The following MECOM variants were observed in gnomAD, a reference collection of about 807,000 sequenced individuals.
MECOM encodes the protein MDS1 and EVI1 complex locus.
MECOM carries 13 observed loss-of-function variants against 116.3 expected under a neutral mutation model. The ratio of observed to expected loss-of-function variants is 0.11; its 90% confidence interval spans 0.07 to 0.18. The LOEUF (loss-of-function observed/expected upper bound fraction) is 0.18, where lower values mean the gene tolerates loss of function less well. Among genes scored for constraint, MECOM ranks in the 10% least tolerant of loss-of-function variants. MECOM has a pLI of 1.00. For missense variants in MECOM, 1,299 were observed against 1,509.0 expected, an observed-to-expected ratio of 0.86 and a Z score of 2.31; for synonymous variants, 528 against 535.2, an observed-to-expected ratio of 0.99 and a Z score of 0.19.
intron 1 of MECOM, among the ~76,000 whole-genome samples, chr3:169,602,422 C>T (rs1188183016): frequency 2.0e-5 from 3 of 152,314 alleles, no homozygotes; most frequent in Non-Finnish European, 1.5e-5. Context: ...ACTGGCTAGT[C>T]AGGGACCTGA....
intron 1 of MECOM, among the ~76,000 whole-genome samples, chr3:169,636,043 G>A (rs965649293): frequency 5.9e-5 from 9 of 152,056 alleles, no homozygotes; most frequent in African/African-American, 2.2e-4. Flanking sequence ...TTTTATATTG[G>A]CCATATACCC....
At position 169,381,493 on chromosome 3, in the gene MECOM, T is replaced by C. The variant is rs778877434; in HGVS notation, c.69A>G (p.Glu23=). Residue 23 remains glutamate, a synonymous_variant, in exon 2 of 17, where the codon GAA becomes GAG. Coordinates refer to ENST00000651503, the MANE Select transcript of MECOM (RefSeq NM_004991.4). The part of the protein sequence containing the change: ...NNECVYGNYP[E]IPLEEMPDAD... ...CATCTGGCATTTCTTCCAAAGGTAT[T>C]TCAGGGTAGTTGCCATATACACACT... is the stretch of plus-strand genomic sequence containing the variant. The C allele has an allele frequency of 2.5e-6, 4 of 1,611,892 alleles. No individual in the cohort carries two copies. The highest frequency in any genetic ancestry group is 2.7e-5 in the African/African-American group (2 of 74,884).
intron 2 of MECOM, among the ~76,000 whole-genome samples, chr3:169,366,510 T>A (rs1729185973): frequency 6.6e-6 from 1 of 152,002 alleles, no homozygotes. Flanking sequence ...CTGTGATTAG[T>A]TTATCCTAAT....
chr3:169,597,837 G>C (rs1377713696), intron 1 of MECOM, among the ~76,000 whole-genome samples: 1 of 152,188 alleles, frequency 6.6e-6, no homozygotes, highest in Non-Finnish European at 1.5e-5. Context: ...ATAGGAGCCT[G>C]TTATTATTAA....
intron 1 of MECOM, among the ~76,000 whole-genome samples, chr3:169,402,330 C>T (rs1577990854): frequency 2.0e-5 from 3 of 152,254 alleles, no homozygotes; most frequent in East Asian, 3.9e-4. Context: ...GAATCAGGAG[C>T]CCTGAGCCCC....
chr3:169,509,703 G>A (rs1354431128), intron 1 of MECOM, among the ~76,000 whole-genome samples: 1 of 152,208 alleles, frequency 6.6e-6, no homozygotes, highest in Non-Finnish European at 1.5e-5. Context: ...TCCTTGTTAA[G>A]ACTGAATAAT....
At chr3:169,285,429 A>C (rs1296003436) in intron 2 of MECOM, among the ~76,000 whole-genome samples, 1 of 152,194 alleles carries the variant, frequency 6.6e-6, no homozygotes, top group East Asian at 1.9e-4. Context: ...TCCCAGGATA[A>C]ACAACATTTG....
rs1022978720 is a variant in MECOM at position 169,428,632 on chromosome 3, A to G, written c.38-47108T>C. On this transcript the variant is annotated intron_variant, in intron 1 of 16. Coordinates refer to ENST00000651503, the MANE Select transcript of MECOM (RefSeq NM_004991.4). The stretch of plus-strand genomic sequence containing the variant: ...AGCAAATGAATATATAAATCTTAAA[A>G]TTTGTTGGAAAAGAATATGCTCATG... Among the ~76,000 whole-genome samples, 3 of 152,338 alleles carry G rather than the reference A, an allele frequency of 2.0e-5. No homozygotes were observed. The East Asian group carries it at 5.8e-4, about 29-fold the overall frequency.
At chr3:169,472,667 G>A (rs1248223614) in intron 1 of MECOM, among the ~76,000 whole-genome samples, 3 of 67,098 alleles carry the variant, frequency 4.5e-5, no homozygotes, top group Non-Finnish European at 6.5e-5. Flanking sequence ...AGAAAGGAAA[G>A]GAAAGGAGAG....
chr3:169,602,137 A>C (rs1767907586), intron 1 of MECOM, among the ~76,000 whole-genome samples: 1 of 152,226 alleles, frequency 6.6e-6, no homozygotes, highest in Non-Finnish European at 1.5e-5. Flanking sequence ...AAACAGAGAT[A>C]TACTCTGATT....
chr3:169,456,331 T>C (rs951273539), intron 1 of MECOM, among the ~76,000 whole-genome samples: 10 of 152,192 alleles, frequency 6.6e-5, no homozygotes, highest in African/African-American at 1.9e-4. Flanking sequence ...AAGTGATCAT[T>C]GTCACGAAAT....
intron 2 of MECOM, among the ~76,000 whole-genome samples, chr3:169,343,058 G>A (rs186556095): frequency 1.1e-4 from 16 of 152,200 alleles, no homozygotes; most frequent in African/African-American, 3.1e-4. Flanking sequence ...AGAGGGAAAC[G>A]GGTATGAAAA....
chr3:169,443,377 G>C (rs937151184), intron 1 of MECOM, among the ~76,000 whole-genome samples: 5 of 152,148 alleles, frequency 3.3e-5, no homozygotes, highest in African/African-American at 1.2e-4. Flanking sequence ...GGGAAGGGAA[G>C]GGGGAAGAAA....
intron 1 of MECOM, among the ~76,000 whole-genome samples, chr3:169,527,324 T>C (rs1758075851): frequency 6.6e-6 from 1 of 152,204 alleles, no homozygotes; most frequent in Non-Finnish European, 1.5e-5. Flanking sequence ...CTTTCGTTAG[T>C]GACTTTGGAC....
At chr3:169,616,341 T>C (rs1769999359) in intron 1 of MECOM, among the ~76,000 whole-genome samples, 1 of 152,110 alleles carries the variant, frequency 6.6e-6, no homozygotes, top group Admixed American at 6.5e-5. Context: ...GTTTTGGTTT[T>C]GGTTTTTTTG....
intron 2 of MECOM, among the ~76,000 whole-genome samples, chr3:169,318,636 G>A (rs1406301715): frequency 6.6e-6 from 1 of 152,206 alleles, no homozygotes; most frequent in Non-Finnish European, 1.5e-5. Flanking sequence ...TGGAGAGGAT[G>A]TGGATAAATA....
rs1244288988 is a variant in MECOM at position 169,439,099 on chromosome 3, T to C, written c.38-57575A>G. Among the ~76,000 whole-genome samples, 4 of 148,166 alleles carry C rather than the reference T, an allele frequency of 2.7e-5. No homozygotes were observed. In the East Asian group the frequency reaches 7.8e-4, roughly 29 times the overall value. On this transcript the variant is annotated intron_variant, in intron 1 of 16. Transcript: ENST00000651503. The stretch of plus-strand genomic sequence containing the variant: ...ATATATAATTAACTAAGGATTAGTA[T>C]CCAGAATATTAATATTATTAATATT...
intron 2 of MECOM, among the ~76,000 whole-genome samples, chr3:169,237,812 T>C (rs1754281517): frequency 6.6e-6 from 1 of 152,122 alleles, no homozygotes; most frequent in Non-Finnish European, 1.5e-5. Context: ...TATTTAACCA[T>C]TTAAAATTTA....
chr3:169,312,204 T>C (rs1718912714), intron 2 of MECOM, among the ~76,000 whole-genome samples: 1 of 152,166 alleles, frequency 6.6e-6, no homozygotes, highest in South Asian at 2.1e-4. Flanking sequence ...AAGTATAGTA[T>C]ACACTGCCTT....
Sources: allele counts gnomAD v4.1 joint callset (sites outside exome capture counted in the v4.1 genomes callset), GRCh38; gene constraint gnomAD v4.1.1; transcripts MANE v1.5; gene names NCBI Gene and HGNC (gene_info 2026-07-23, HGNC 2026-07-21).